Variants in PLRG1 observed in about 807,000 individuals in gnomAD.
PLRG1 encodes pleiotropic regulator 1, also known as pleiotropic regulator 1 (PRL1 homolog, Arabidopsis).
In PLRG1, 28 loss-of-function variants were observed where a neutral mutation model predicts 74.9. That is an observed-to-expected ratio of 0.37 (90% confidence interval 0.28 to 0.51). The LOEUF is 0.51. PLRG1 is among the 20% of genes least tolerant of loss of function. The pLI is 0.91. For missense variants in PLRG1, 445 were observed against 631.9 expected (o/e 0.70, Z 3.17); for synonymous variants, 197 against 212.4 (o/e 0.93, Z 0.63).
At chr4:154,547,381 T>C (rs2111110280) in intron 3 of PLRG1, 1 of 502,872 alleles carries the variant, frequency 2.0e-6, no homozygotes, top group East Asian at 3.6e-5. Flanking sequence ...TTTCAGTATT[T>C]AATTTCATCT....
At position 154,536,677 on chromosome 4, in the gene PLRG1, C is replaced by T. The variant is rs767453572; in HGVS notation, c.*8G>A. The stretch of plus-strand genomic sequence containing the variant: ...AAAAAAAAAGAGAGAGAAAAAATTC[C>T]ACATTCATTAAAATCTCTTTCTCTT... On this transcript the variant is annotated 3_prime_UTR_variant, in exon 15 of 15. Transcript: ENST00000499023. The T allele has an allele frequency of 6.3e-6, 9 of 1,425,446 alleles. No homozygotes were observed. The South Asian group carries it at 1.1e-4, about 18-fold the overall frequency. 88.3% of individuals were successfully genotyped at this position (1,425,446 alleles called of 1,614,324 possible).
chr4:154,539,934 A>G lies in PLRG1; in HGVS notation c.1042+17T>C. On this transcript the variant is annotated intron_variant, in intron 11 of 14. Transcript: ENST00000499023. ...CTGACATGAATATTCTGTAAACTTG[A>G]AAAGTATCGATCATACCTGTAATAA... 3 of 1,192,786 alleles carry G rather than the reference A, an allele frequency of 2.5e-6. No individual in the cohort carries two copies. Among genetic ancestry groups the G allele is most frequent in the South Asian group, 1.2e-5 (1 of 82,690 alleles). 73.9% of individuals were successfully genotyped at this position (1,192,786 alleles called of 1,614,324 possible).
intron 2 of PLRG1, 123 bp downstream of exon 2, chr4:154,548,706 A>G: frequency 1.6e-6 from 1 of 606,946 alleles, no homozygotes; most frequent in South Asian, 2.0e-5. Context: ...CCAAAACACC[A>G]CTCATTATTG....
intron 12 of PLRG1, 55 bp from the exon 13 acceptor site, chr4:154,538,163 G>C: frequency 1.0e-6 from 1 of 998,088 alleles, no homozygotes; most frequent in Non-Finnish European, 1.4e-6. Context: ...AAATAAAGTG[G>C]TGGGTTTTAA....
chr4:154,549,103 A>C lies in PLRG1; in HGVS notation c.10-168T>G, dbSNP rs752675449. The C allele has an allele frequency of 4.9e-6, 3 of 609,464 alleles. No individual in the cohort carries two copies. The Admixed American group carries it at 6.4e-5, about 13-fold the overall frequency. 37.8% of individuals were successfully genotyped at this position (609,464 alleles called of 1,614,324 possible). A position where few individuals can be genotyped will look rare whatever the true frequency, so the allele number is the denominator to read the frequency against. On this transcript the variant is annotated intron_variant, in intron 1 of 14. Transcript: ENST00000499023. ...GAGTCAAGTTCAGAGAAGAGGAGGA[A>C]GCTCCTCTTTGGCTAGAACCTCAGG...
chr4:154,538,939 A>G, intron 12 of PLRG1, 166 bp downstream of exon 12: 2 of 556,226 alleles, frequency 3.6e-6, no homozygotes, highest in Non-Finnish European at 6.4e-6. Context: ...GCATGAAGCA[A>G]AATAGTGCAT....
At chr4:154,542,813 T>C (rs1358771269) in intron 7 of PLRG1, among the ~76,000 whole-genome samples, 3 of 152,186 alleles carry the variant, frequency 2.0e-5, no homozygotes, top group African/African-American at 7.2e-5. Context: ...CTCTCTCTCA[T>C]ATACGGGAGC....
chr4:154,546,510 GT>G (rs770787532), intron 4 of PLRG1: 3 of 341,418 alleles, frequency 8.8e-6, no homozygotes, highest in Non-Finnish European at 1.6e-5. Context: ...GTATTAAGCA[GT>G]TCCTCAAATA....
chr4:154,544,380 T>G lies in PLRG1; in HGVS notation c.594+65A>C, dbSNP rs1729609956. The G allele has an allele frequency of 5.4e-6, 5 of 918,776 alleles. No individual in the cohort carries two copies. The Admixed American group carries it at 8.7e-5, about 16-fold the overall frequency. 56.9% of individuals were successfully genotyped at this position (918,776 alleles called of 1,614,324 possible). A position where few individuals can be genotyped will look rare whatever the true frequency, so the allele number is the denominator to read the frequency against. The stretch of plus-strand genomic sequence containing the variant: ...ACTCTTTTTCCTCCTTATTCTATTC[T>G]TCAGTGCTTGTCAACTACAAAGCAA... On this transcript the variant is annotated intron_variant, in intron 7 of 14. Transcript: ENST00000499023.
rs761769301 is a variant in PLRG1, at chr4:154,537,389, C to T, written c.1382G>A (p.Ser461Asn). ...AGCACAAGCAAATATTCCTGATTCA[C>T]TGTCCAAAGACCCAGGTTGCACAGC... ...HAAVQPGSLD[S>N]ESGIFACAFD... Residue 461 changes from serine to asparagine, a missense_variant, in exon 14 of 15, where the codon AGT (serine) becomes AAT (asparagine). Ser to Asn is a conservative substitution (Grantham distance 46, BLOSUM62 1). Transcript: ENST00000499023. 1 of 1,613,356 alleles carries T rather than the reference C, an allele frequency of 6.2e-7. No homozygotes were observed. Among genetic ancestry groups the T allele is most frequent in the Non-Finnish European group, 8.5e-7 (1 of 1,179,448 alleles).
chr4:154,542,074 G>T, intron 8 of PLRG1, 113 bp downstream of exon 8: 3 of 684,660 alleles, frequency 4.4e-6, no homozygotes, highest in African/African-American at 1.8e-5. Flanking sequence ...CCTTATTCAG[G>T]TCTAAAATAA....
chr4:154,545,641 A>C (rs748655135), intron 6 of PLRG1, among the ~76,000 whole-genome samples, 195 bp downstream of exon 6: 2 of 152,234 alleles, frequency 1.3e-5, no homozygotes, highest in Middle Eastern at 6.3e-3. Context: ...TATATTACAC[A>C]CAATGTACAA....
intron 8 of PLRG1, among the ~76,000 whole-genome samples, chr4:154,541,276 A>T (rs1304661140): frequency 6.6e-6 from 1 of 152,210 alleles, no homozygotes; most frequent in Non-Finnish European, 1.5e-5. Flanking sequence ...GATATGAAAA[A>T]GTTCACACTC....
At chr4:154,547,687 C>T in intron 3 of PLRG1, 24 bp downstream of exon 3, 2 of 1,598,526 alleles carry the variant, frequency 1.3e-6, no homozygotes, top group South Asian at 2.2e-5. Flanking sequence ...ATAAGTCTGA[C>T]ATTTCTGATA....
rs1729649689 is a variant in PLRG1 at position 154,546,187 on chromosome 4, T to C, written c.340A>G (p.Ile114Val). Reference sequence around the variant, plus strand: ...GCTGATTCACTTGGCATTCTCTGGATCTTAGTATCTGCTGTCAAAGCAACC... The same window carrying C: ...GCTGATTCACTTGGCATTCTCTGGACCTTAGTATCTGCTGTCAAAGCAACC... ...PGVALTADTKIQRMPSESAAQ... is the reference protein window; with the variant it reads ...PGVALTADTKVQRMPSESAAQ... The change falls in exon 5 of 15, where the codon ATC (isoleucine) becomes GTC (valine). Residue 114 changes from isoleucine to valine, a missense_variant. This residue lies in a region of PLRG1 where 206 missense variants were observed against 210.8 expected (regional missense o/e 0.98). Transcript: ENST00000499023. 4.4e-6 allele frequency: 7 copies of C among 1,607,684 alleles called. No individual in the cohort carries two copies. Among genetic ancestry groups the C allele is most frequent in the Non-Finnish European group, 6.0e-6 (7 of 1,174,176 alleles).
rs756532769 is a variant in PLRG1 at position 154,538,013 on chromosome 4, AT to A, written c.1246del (p.Ile416LeufsTer4). 6.4e-7 allele frequency: 1 copy of A among 1,558,940 alleles called. No individual in the cohort carries two copies. The highest frequency in any genetic ancestry group is 8.8e-7 in the Non-Finnish European group (1 of 1,141,610). On this transcript the variant is annotated frameshift_variant, in exon 13 of 15. Coordinates refer to ENST00000499023, the MANE Select transcript of PLRG1 (RefSeq NM_002669.4). LOFTEE classifies it high-confidence loss of function. Reference sequence around the variant, plus strand: ...ATCAGAATTTACCGTCAATGTGTTAATAATAGCATTATGACCGGAAAGATTT... The same window carrying A: ...ATCAGAATTTACCGTCAATGTGTTAAAATAGCATTATGACCGGAAAGATTT... ...IQNLSGHNAIINTLTVNSDGV... is the reference protein window; with the variant it reads ...IQNLSGHNAIXNTLTVNSDGV...
chr4:154,548,072 T>C (rs1729692297), intron 2 of PLRG1, among the ~76,000 whole-genome samples: 1 of 152,188 alleles, frequency 6.6e-6, no homozygotes, highest in East Asian at 1.9e-4. Flanking sequence ...TTTAGTTTGT[T>C]ACCTAATAAA....
rs2111098165 is a variant in PLRG1 at position 154,536,709 on chromosome 4, T to A, written c.1521A>T (p.Glu507Asp). The A allele has an allele frequency of 6.5e-7, 1 of 1,534,244 alleles. No homozygotes were observed. The highest frequency in any genetic ancestry group is 1.4e-5 in the African/African-American group (1 of 72,170). ...EETHPVSWKP[E>D]IIKRKRF ...ATTAAAATCTCTTTCTCTTGATAAT[T>A]TCTGGTTTCCAGCTGACTGGATGAG... Residue 507 changes from glutamate (E) to aspartate (D), a missense_variant, in exon 15 of 15, where the codon GAA becomes GAT. By Grantham distance (45) the Glu-to-Asp change is conservative (BLOSUM62 2). This residue lies in a region of PLRG1 where 221 missense variants were observed against 377.7 expected (regional missense o/e 0.59). Coordinates refer to ENST00000499023, the MANE Select transcript of PLRG1 (RefSeq NM_002669.4).
chr4:154,535,748 T>C lies in PLRG1; in HGVS notation c.*937A>G, dbSNP rs930754222. On this transcript the variant is annotated 3_prime_UTR_variant, in exon 15 of 15. Coordinates refer to ENST00000499023, the MANE Select transcript of PLRG1 (RefSeq NM_002669.4). Reference sequence around the variant, plus strand: ...ACTTCTCTTTAAAATCTCCGCAAGATTGCAGCCCTTGCTACAGCTTTAAAT... The same window carrying C: ...ACTTCTCTTTAAAATCTCCGCAAGACTGCAGCCCTTGCTACAGCTTTAAAT... 3 of 152,076 alleles carry C rather than the reference T, an allele frequency of 2.0e-5. No individual in the cohort carries two copies. The highest frequency in any genetic ancestry group is 4.8e-5 in the African/African-American group (2 of 41,422). The allele number at this position is 152,076 out of a possible 1,614,324, so 9.4% of individuals were successfully genotyped here.
Sources: allele counts gnomAD v4.1 joint callset (sites outside exome capture counted in the v4.1 genomes callset), GRCh38; gene constraint gnomAD v4.1.1; regional missense constraint gnomAD v4.1.1; transcripts MANE v1.5; gene names NCBI Gene and HGNC (gene_info 2026-07-23, HGNC 2026-07-21).